PRH1: variants seen among roughly 807,000 people sequenced by gnomAD.
The protein encoded by PRH1 is proline rich protein HaeIII subfamily 1, also known as salivary acidic proline-rich phosphoprotein 1/2.
A neutral mutation model predicts 7.9 loss-of-function variants in PRH1; 7 were observed. That is an observed-to-expected ratio of 0.89 (90% CI 0.50 to 1.67). The LOEUF (loss-of-function observed/expected upper bound fraction) is 1.67, where lower values mean the gene tolerates loss of function less well. Ranked by LOEUF, PRH1 falls within the 40% of genes most tolerant of loss-of-function variation. The pLI is 0.00. For synonymous variants in PRH1, 45 were observed against 80.8 expected (o/e 0.56, Z 2.38); for missense variants, 109 against 223.6 (o/e 0.49, Z 3.27).
chr12:10,935,844 T>G (rs1473038303), intron 2 of PRH1, among the ~76,000 whole-genome samples: 2 of 152,074 alleles, frequency 1.3e-5, no homozygotes, highest in African/African-American at 4.8e-5. Context: ...GGATCCAGAT[T>G]GAGGAGTTAA....
intron 1 of PRH1, among the ~76,000 whole-genome samples, chr12:11,123,405 A>G (rs766192635): frequency 6.6e-6 from 1 of 152,166 alleles, no homozygotes; most frequent in Non-Finnish European, 1.5e-5. Context: ...GAAAAGCCCA[A>G]AACAGTTTGA....
intron 1 of PRH1, among the ~76,000 whole-genome samples, chr12:11,006,817 AATGCTGCATTT>A (rs1940854248): frequency 6.6e-6 from 1 of 152,112 alleles, no homozygotes. Flanking sequence ...GGATGAGTTC[AATGCTGCATTT>A]ATGGAAAATT....
chr12:11,094,592 T>C (rs1475235811), intron 1 of PRH1, among the ~76,000 whole-genome samples: 5 of 115,554 alleles, frequency 4.3e-5, no homozygotes, highest in East Asian at 2.1e-4. Context: ...CAAATTTTCT[T>C]ATGTTGCAAC....
chr12:10,985,187 A>G (rs547051254), intron 1 of PRH1, among the ~76,000 whole-genome samples: 104 of 152,264 alleles, frequency 6.8e-4, no homozygotes, highest in South Asian at 2.3e-3. Context: ...TTATGACAAC[A>G]TAAGTCATCA....
downstream of PRH1, among the ~76,000 whole-genome samples, chr12:11,118,110 A>G (rs552040793): frequency 1.1e-3 from 169 of 152,302 alleles, 1 homozygote; most frequent in South Asian, 3.9e-3. Flanking sequence ...CAAAGGTATG[A>G]TCAACAAAGT....
At chr12:10,929,044 A>G (rs148530280) in intron 2 of PRH1, among the ~76,000 whole-genome samples, 78 of 152,326 alleles carry the variant, frequency 5.1e-4, no homozygotes, top group African/African-American at 1.8e-3. Context: ...TACCTTTTAG[A>G]AATTAGCCAC....
intron 1 of PRH1, chr12:11,022,179 C>G: frequency 1.9e-6 from 3 of 1,614,020 alleles, no homozygotes; most frequent in Non-Finnish European, 1.7e-6. Context: ...CCAACAGTAT[C>G]ACCAGAACAA....
intron 2 of PRH1, among the ~76,000 whole-genome samples, chr12:10,926,534 A>T (rs1007376886): frequency 6.6e-6 from 1 of 152,202 alleles, no homozygotes; most frequent in African/African-American, 2.4e-5. Context: ...GGGTGATATG[A>T]TCTAATTTCT....
chr12:11,081,863 A>G (rs113016875), intron 1 of PRH1, among the ~76,000 whole-genome samples: 1,179 of 81,042 alleles, frequency 0.015, 26 homozygotes, highest in Middle Eastern at 0.02. Context: ...TCCTTACTTT[A>G]TAAATAAGAG....
At chr12:11,169,957 A>G (rs1947764863) in intron 1 of PRH1, among the ~76,000 whole-genome samples, 1 of 152,190 alleles carries the variant, frequency 6.6e-6, no homozygotes, top group Non-Finnish European at 1.5e-5. Context: ...ATAGAAACAG[A>G]GGTACTCTAG....
chr12:10,918,080 T>C (rs11054073), intron 2 of PRH1, among the ~76,000 whole-genome samples: 74,654 of 152,030 alleles, frequency 0.49, 20,759 homozygotes, highest in East Asian at 0.72. Context: ...GGGACATGGA[T>C]GAAGCTGGAA....
chr12:10,939,170 A>G, intron 2 of PRH1: 1 of 1,598,358 alleles, frequency 6.3e-7, no homozygotes, highest in Non-Finnish European at 8.5e-7. Flanking sequence ...TTCCACAATT[A>G]AAACGAATGT....
rs113224209 is a variant in PRH1 at position 10,883,899 on chromosome 12, T to C, written c.64+255A>G. Among the ~76,000 whole-genome samples the C allele has an allele frequency of 1.5e-4, 23 of 152,286 alleles. 2 individuals carry two copies. Among genetic ancestry groups the C allele is most frequent in the African/African-American group, 4.8e-4 (20 of 41,566 alleles). On this transcript the variant is annotated intron_variant, in intron 1 of 3. Coordinates refer to ENST00000543626, the MANE Select transcript of PRH1 (RefSeq NM_001393989.1). ...CTCCACATCCTTCACAGCAGTCCCA[T>C]GTCTCTATATAATGCAAATCTCACT...
chr12:10,980,009 A>G lies in PRH1; in HGVS notation c.-125-6288T>C, dbSNP rs117355950. 3.3e-3 allele frequency among the ~76,000 whole-genome samples: 509 copies of G among 152,304 alleles called. 2 individuals carry two copies. The highest frequency in any genetic ancestry group is 6.0e-3 in the Non-Finnish European group (405 of 68,022). ...TCCAAATGAAGATGTCAAATATGCT[A>G]TTAGAGAAAGGATTCTGGAGACCAG... On this transcript the variant is annotated intron_variant, in intron 1 of 3. Coordinates refer to the PRH1 transcript ENST00000539853.
chr12:11,046,096 C>T (rs1318560513), intron 1 of PRH1, among the ~76,000 whole-genome samples: 1 of 152,074 alleles, frequency 6.6e-6, no homozygotes, highest in African/African-American at 2.4e-5. Context: ...ACATAACTTC[C>T]AGTTTTCTCC....
At chr12:10,953,042 C>T (rs1050088986) in intron 2 of PRH1, among the ~76,000 whole-genome samples, 1 of 151,978 alleles carries the variant, frequency 6.6e-6, no homozygotes, top group Admixed American at 6.6e-5. Flanking sequence ...TCTTTTCCCC[C>T]CTAAAATCTA....
chr12:11,061,120 T>G (rs990623392), intron 1 of PRH1, among the ~76,000 whole-genome samples: 1 of 151,854 alleles, frequency 6.6e-6, no homozygotes, highest in African/African-American at 2.4e-5. Context: ...GCAGTTTGTG[T>G]GAAAAAACAA....
intron 1 of PRH1, among the ~76,000 whole-genome samples, chr12:11,126,324 T>C (rs1001790459): frequency 8.1e-6 from 1 of 123,948 alleles, no homozygotes; most frequent in African/African-American, 2.9e-5. Context: ...ATTAAAAATA[T>C]AGTTTTGTAA....
intron 1 of PRH1, among the ~76,000 whole-genome samples, chr12:10,984,028 A>ATGAAC: frequency 6.6e-6 from 1 of 151,780 alleles, no homozygotes; most frequent in South Asian, 2.1e-4. Context: ...TTCATTTAGA[A>ATGAAC]AGGGTTTTAA....
Sources: gnomAD v4.1 joint callset for allele counts (sites outside exome capture counted in the v4.1 genomes callset) on GRCh38, gnomAD v4.1.1 for gene constraint, MANE v1.5 for transcripts, NCBI Gene and HGNC (gene_info 2026-07-23, HGNC 2026-07-21) for gene names.